CDC14A: variants seen among roughly 807,000 people sequenced by gnomAD.
CDC14A encodes cell division cycle 14A.
Under a neutral mutation model 74.4 loss-of-function variants are expected in CDC14A, and 53 were observed. The observed-to-expected ratio is 0.71, with a 90% CI of 0.57 to 0.89. The LOEUF (loss-of-function observed/expected upper bound fraction) is 0.89. Ranked by LOEUF, CDC14A falls within the 40% of genes least tolerant of loss-of-function variation. The probability of loss-of-function intolerance (pLI) is 0.00; values close to 1 mark genes in which losing one functional copy is unlikely to be tolerated. For missense variants in CDC14A, 646 were observed against 713.7 expected, an observed-to-expected ratio of 0.91 and a Z score of 1.08; for synonymous variants, 247 against 258.4, an observed-to-expected ratio of 0.96 and a Z score of 0.43.
chr1:100,395,346 C>T (rs1049389874), intron 4 of CDC14A, among the ~76,000 whole-genome samples: 1 of 151,018 alleles, frequency 6.6e-6, no homozygotes, highest in Non-Finnish European at 1.5e-5. Context: ...TCCTTCTCTC[C>T]CTAAATGTAT....
At chr1:100,385,678 G>A (rs1259670041) in intron 3 of CDC14A, among the ~76,000 whole-genome samples, 1 of 152,106 alleles carries the variant, frequency 6.6e-6, no homozygotes, top group Non-Finnish European at 1.5e-5. Flanking sequence ...CTGGGCTTAT[G>A]TTCTCCTTGT....
intron 5 of CDC14A, among the ~76,000 whole-genome samples, chr1:100,431,286 C>T (rs545571136): frequency 7.9e-5 from 12 of 151,810 alleles, no homozygotes; most frequent in Admixed American, 1.3e-4. Flanking sequence ...TGCGAAAATT[C>T]GCTCAGACTA....
intron 15 of CDC14A, among the ~76,000 whole-genome samples, chr1:100,516,792 C>T (rs905215454): frequency 3.3e-5 from 5 of 152,122 alleles, no homozygotes; most frequent in African/African-American, 1.2e-4. Context: ...CTCTTTTATT[C>T]GCACTGTGGG....
At chr1:100,414,245 T>A (rs1032225571) in intron 4 of CDC14A, among the ~76,000 whole-genome samples, 1 of 152,162 alleles carries the variant, frequency 6.6e-6, no homozygotes, top group African/African-American at 2.4e-5. Flanking sequence ...GCGGTAGGAT[T>A]GCCTGAGCCC....
At chr1:100,490,084 C>T (rs915174330) in intron 11 of CDC14A, among the ~76,000 whole-genome samples, 2 of 152,216 alleles carry the variant, frequency 1.3e-5, no homozygotes, top group African/African-American at 4.8e-5. Flanking sequence ...GCTACCAACT[C>T]ATGAGATTGA....
At chr1:100,360,089 C>T (rs746690387) in intron 2 of CDC14A, among the ~76,000 whole-genome samples, 6 of 148,930 alleles carry the variant, frequency 4.0e-5, no homozygotes, top group African/African-American at 7.4e-5. Context: ...ATTACAGGCG[C>T]GCACCACCAC....
chr1:100,455,500 T>G lies in CDC14A; in HGVS notation c.607+8T>G, dbSNP rs1264859949. ...AAAGCAAAATTGAGAATGGTAGGTT[T>G]TTTTTTCCTTTACCATCCAAACATT... On this transcript the variant is annotated splice_region_variant and intron_variant, in intron 8 of 15. Transcript: ENST00000336454. 1 of 1,492,126 alleles carries G rather than the reference T, an allele frequency of 6.7e-7. No homozygotes were observed. Among genetic ancestry groups the G allele is most frequent in the South Asian group, 1.2e-5 (1 of 81,144 alleles). The allele number at this position is 1,492,126 out of a possible 1,614,324, so 92.4% of individuals were successfully genotyped here.
chr1:100,483,386 A>T (rs1315127683), intron 10 of CDC14A, among the ~76,000 whole-genome samples: 1 of 152,160 alleles, frequency 6.6e-6, no homozygotes, highest in East Asian at 1.9e-4. Flanking sequence ...TCTTTGTGAG[A>T]AAGTATTACT....
At chr1:100,422,195 G>A (rs1662443217) in intron 4 of CDC14A, among the ~76,000 whole-genome samples, 1 of 152,202 alleles carries the variant, frequency 6.6e-6, no homozygotes, top group African/African-American at 2.4e-5. Flanking sequence ...GCTAAGTCAT[G>A]CAGGTAAGAT....
At chr1:100,447,007 G>A (rs190427026) in intron 7 of CDC14A, among the ~76,000 whole-genome samples, 201 of 152,258 alleles carry the variant, frequency 1.3e-3, no homozygotes, top group Non-Finnish European at 2.5e-3. Flanking sequence ...CCTCCAGTGT[G>A]CAGTTTATAC....
At chr1:100,440,286 A>G (rs377238919) in intron 6 of CDC14A, among the ~76,000 whole-genome samples, 1 of 152,156 alleles carries the variant, frequency 6.6e-6, no homozygotes, top group South Asian at 2.1e-4. Flanking sequence ...TCACATGCTT[A>G]GCTTCATTAT....
intron 4 of CDC14A, among the ~76,000 whole-genome samples, chr1:100,417,602 C>T (rs1291262909): frequency 1.3e-5 from 2 of 152,112 alleles, no homozygotes; most frequent in Non-Finnish European, 2.9e-5. Flanking sequence ...AATCATATGA[C>T]CTAGAGCTTT....
intron 5 of CDC14A, among the ~76,000 whole-genome samples, chr1:100,427,024 A>G (rs1663042108): frequency 1.3e-5 from 2 of 152,192 alleles, no homozygotes; most frequent in South Asian, 4.1e-4. Flanking sequence ...TCTACAGTTC[A>G]GGCCAACTAA....
chr1:100,486,945 CG>C (rs1166591741), intron 11 of CDC14A, among the ~76,000 whole-genome samples: 5 of 152,038 alleles, frequency 3.3e-5, no homozygotes, highest in Non-Finnish European at 5.9e-5. Context: ...ATGGAAAATT[CG>C]CTTACTCAAA....
At chr1:100,514,905 A>G (rs1313620388) in intron 15 of CDC14A, among the ~76,000 whole-genome samples, 1 of 152,268 alleles carries the variant, frequency 6.6e-6, no homozygotes, top group Non-Finnish European at 1.5e-5. Context: ...ATGCAAATGC[A>G]ATTTTACTAT....
intron 4 of CDC14A, 28 bp downstream of exon 4, chr1:100,390,852 T>C: frequency 6.8e-7 from 1 of 1,478,118 alleles, no homozygotes; most frequent in Non-Finnish European, 9.5e-7. Flanking sequence ...GATTATTTTC[T>C]ATAATCAGGC....
At chr1:100,434,073 G>A (rs1054605454) in intron 5 of CDC14A, among the ~76,000 whole-genome samples, 2 of 152,194 alleles carry the variant, frequency 1.3e-5, no homozygotes, top group South Asian at 2.1e-4. Context: ...AGTCCCAATT[G>A]CTCCTTCTAT....
intron 3 of CDC14A, among the ~76,000 whole-genome samples, chr1:100,387,309 A>G (rs1657015022): frequency 6.6e-6 from 1 of 152,216 alleles, no homozygotes; most frequent in South Asian, 2.1e-4. Flanking sequence ...CTCTGCTCTC[A>G]TTAACTTTGA....
intron 5 of CDC14A, among the ~76,000 whole-genome samples, chr1:100,434,185 T>G (rs1368396387): frequency 6.6e-6 from 1 of 152,216 alleles, no homozygotes; most frequent in South Asian, 2.1e-4. Flanking sequence ...GTATAATAGC[T>G]GTATAGTTCA....
Sources: allele counts gnomAD v4.1 joint callset (sites outside exome capture counted in the v4.1 genomes callset), GRCh38; gene constraint gnomAD v4.1.1; transcripts MANE v1.5; gene names NCBI Gene and HGNC (gene_info 2026-07-23, HGNC 2026-07-21).